HDAC9: variants seen among roughly 807,000 people sequenced by gnomAD.
HDAC9 encodes the protein MEF-2 interacting transcription repressor (MITR) protein.
A neutral mutation model predicts 139.4 loss-of-function variants in HDAC9; 41 were observed. That is an observed-to-expected ratio of 0.29 (90% confidence interval 0.23 to 0.38). HDAC9 has a LOEUF of 0.38. HDAC9 is among the 10% of genes least tolerant of loss of function. The pLI, the probability that HDAC9 is intolerant of heterozygous loss-of-function variation, is 1.00. For missense variants in HDAC9, 1,147 were observed against 1,297.0 expected (o/e 0.88, Z 1.78); for synonymous variants, 517 against 476.2 (o/e 1.09, Z -1.12).
intron 1 of HDAC9, among the ~76,000 whole-genome samples, chr7:18,320,928 A>G (rs1799982510): frequency 6.6e-6 from 1 of 152,218 alleles, no homozygotes; most frequent in South Asian, 2.1e-4. Flanking sequence ...CATTTATCTA[A>G]GTCATGGTTT....
At chr7:18,936,476 C>G (rs1015863732) in intron 23 of HDAC9, among the ~76,000 whole-genome samples, 1 of 152,072 alleles carries the variant, frequency 6.6e-6, no homozygotes, top group Non-Finnish European at 1.5e-5. Flanking sequence ...TCTAAATGGC[C>G]AAAGACCATT....
chr7:18,772,119 GA>G (rs1790347711), intron 16 of HDAC9, among the ~76,000 whole-genome samples: 2 of 152,080 alleles, frequency 1.3e-5, no homozygotes, highest in Admixed American at 1.3e-4. Flanking sequence ...AAACAGCAAA[GA>G]AAGAATAGGG....
intron 7 of HDAC9, among the ~76,000 whole-genome samples, chr7:18,629,839 A>G (rs1278794549): frequency 6.6e-6 from 1 of 152,164 alleles, no homozygotes; most frequent in Non-Finnish European, 1.5e-5. Flanking sequence ...TCCAAGAAGA[A>G]CACTTTCCCC....
At chr7:18,192,736 T>C (rs531787844) in intron 2 of HDAC9, among the ~76,000 whole-genome samples, 1 of 152,280 alleles carries the variant, frequency 6.6e-6, no homozygotes, top group African/African-American at 2.4e-5. Context: ...AATTCAACAA[T>C]GGAATAGAAT....
At chr7:18,287,206 A>AT (rs60515936), upstream of HDAC9, among the ~76,000 whole-genome samples, 647 of 151,064 alleles carry the variant, frequency 4.3e-3, 4 homozygotes, top group African/African-American at 0.015. Flanking sequence ...TCTATTGCTT[A>AT]TTTTTTTTTA....
intron 17 of HDAC9, chr7:18,807,876 C>T (rs1486501267): frequency 6.6e-6 from 1 of 152,066 alleles, no homozygotes; most frequent in Non-Finnish European, 1.5e-5. Flanking sequence ...TCTGTGTGCA[C>T]TTGAGGAGAA....
chr7:18,385,778 T>A (rs76078563), intron 1 of HDAC9, among the ~76,000 whole-genome samples: 66 of 152,292 alleles, frequency 4.3e-4, no homozygotes, highest in East Asian at 2.3e-3. Context: ...TTAAATACAT[T>A]TTATAATATT....
At chr7:18,200,346 C>T (rs1279295289) in intron 2 of HDAC9, among the ~76,000 whole-genome samples, 1 of 152,176 alleles carries the variant, frequency 6.6e-6, no homozygotes, top group Non-Finnish European at 1.5e-5. Flanking sequence ...CCATTTGGAG[C>T]CATTTTAGAT....
chr7:18,772,314 AT>A (rs543362069), intron 16 of HDAC9, among the ~76,000 whole-genome samples: 136 of 151,964 alleles, frequency 8.9e-4, no homozygotes, highest in African/African-American at 2.9e-3. Flanking sequence ...TTAGTAGAGA[AT>A]TTTTTTCTTC....
At chr7:18,135,391 C>T (rs891650723) in intron 1 of HDAC9, among the ~76,000 whole-genome samples, 12 of 142,406 alleles carry the variant, frequency 8.4e-5, no homozygotes, top group African/African-American at 1.6e-4. Flanking sequence ...CATGCTGGTG[C>T]GCTGCACCCA....
At chr7:18,742,475 T>C (rs1787550850) in intron 13 of HDAC9, among the ~76,000 whole-genome samples, 2 of 152,224 alleles carry the variant, frequency 1.3e-5, no homozygotes, top group Admixed American at 1.3e-4. Flanking sequence ...TAGGTTACAG[T>C]ATAATGTAAA....
intron 2 of HDAC9, among the ~76,000 whole-genome samples, chr7:18,537,253 G>A (rs1474477845): frequency 1.3e-5 from 2 of 152,214 alleles, no homozygotes; most frequent in Non-Finnish European, 2.9e-5. Flanking sequence ...TCTCTGCCAG[G>A]AGAATGGAAG....
At chr7:18,797,673 CA>C (rs1252000867) in intron 17 of HDAC9, among the ~76,000 whole-genome samples, 1 of 151,924 alleles carries the variant, frequency 6.6e-6, no homozygotes, top group East Asian at 1.9e-4. Flanking sequence ...ACTAAAAATA[CA>C]AAAAATTAGC....
intron 17 of HDAC9, among the ~76,000 whole-genome samples, chr7:18,818,968 G>C (rs1794766895): frequency 6.6e-6 from 1 of 151,984 alleles, no homozygotes; most frequent in East Asian, 1.9e-4. Context: ...AATAGACTTA[G>C]TTTATATGAA....
chr7:18,418,371 T>C (rs1484171328), intron 1 of HDAC9, among the ~76,000 whole-genome samples: 1 of 151,468 alleles, frequency 6.6e-6, no homozygotes, highest in Non-Finnish European at 1.5e-5. Flanking sequence ...TACTTTTTTC[T>C]TTTCAGAAAA....
chr7:18,581,704 T>C (rs1827882749), intron 2 of HDAC9, among the ~76,000 whole-genome samples: 2 of 152,178 alleles, frequency 1.3e-5, no homozygotes, highest in South Asian at 4.1e-4. Context: ...TTAACTGCCA[T>C]TGCTTTTGGT....
chr7:18,737,274 A>G (rs1466530943), intron 13 of HDAC9, among the ~76,000 whole-genome samples: 1 of 152,048 alleles, frequency 6.6e-6, no homozygotes, highest in Non-Finnish European at 1.5e-5. Context: ...GCTTTCCGCT[A>G]GCTTTTGAAT....
At chr7:18,867,242 T>C (rs1798564790) in intron 21 of HDAC9, among the ~76,000 whole-genome samples, 1 of 152,200 alleles carries the variant, frequency 6.6e-6, no homozygotes, top group Non-Finnish European at 1.5e-5. Flanking sequence ...TATGCCATTG[T>C]TATTGCTTCA....
chr7:18,288,633 A>G (rs1648542495), upstream of HDAC9, among the ~76,000 whole-genome samples: 1 of 152,228 alleles, frequency 6.6e-6, no homozygotes, highest in African/African-American at 2.4e-5. Flanking sequence ...GGTTGTTTGT[A>G]TAAACTATGA....
Sources: gnomAD v4.1 joint callset for allele counts (sites outside exome capture counted in the v4.1 genomes callset) on GRCh38, gnomAD v4.1.1 for gene constraint, MANE v1.5 for transcripts, NCBI Gene and HGNC (gene_info 2026-07-23, HGNC 2026-07-21) for gene names.